Variants in MDGA2 observed in about 807,000 individuals in gnomAD.
MDGA2 encodes the protein MAM domain-containing glycosylphosphatidylinositol anchor protein 2.
MDGA2 carries 40 observed loss-of-function variants against 117.8 expected under a neutral mutation model. The ratio of observed to expected loss-of-function variants is 0.34; its 90% CI spans 0.26 to 0.44. MDGA2 has a LOEUF of 0.44. Ranked by LOEUF, MDGA2 falls within the 20% of genes least tolerant of loss-of-function variation. The pLI, the probability that MDGA2 is intolerant of heterozygous loss-of-function variation, is 1.00. For synonymous variants in MDGA2, 452 were observed against 439.0 expected, an observed-to-expected ratio of 1.03 and a Z score of -0.37; for missense variants, 1,123 against 1,250.6, an observed-to-expected ratio of 0.90 and a Z score of 1.54.
At chr14:46,864,601 G>T (rs1478875570) in intron 14 of MDGA2, among the ~76,000 whole-genome samples, 33 of 23,394 alleles carry the variant, frequency 1.4e-3, no homozygotes, top group East Asian at 1.9e-3. Flanking sequence ...GTAACCCTGT[G>T]TCAAAAAAAA....
chr14:47,438,551 C>G (rs756326343), intron 1 of MDGA2, among the ~76,000 whole-genome samples: 4 of 152,132 alleles, frequency 2.6e-5, no homozygotes, highest in African/African-American at 7.2e-5. Flanking sequence ...TATGTGTAAA[C>G]CAGTATAGCT....
At chr14:47,349,123 GGAATT>G (rs1455719371) in intron 1 of MDGA2, among the ~76,000 whole-genome samples, 3 of 152,194 alleles carry the variant, frequency 2.0e-5, no homozygotes, top group African/African-American at 7.2e-5. Context: ...AAAGGGAACT[GGAATT>G]GAAAGTATTC....
chr14:47,255,296 T>TG (rs1303597301), intron 2 of MDGA2, among the ~76,000 whole-genome samples: 4 of 152,190 alleles, frequency 2.6e-5, no homozygotes, highest in Non-Finnish European at 1.5e-5. Context: ...GAGCTTGGAA[T>TG]GGGTTTGACT....
chr14:47,356,009 T>G (rs1452668556), intron 1 of MDGA2, among the ~76,000 whole-genome samples: 1 of 152,094 alleles, frequency 6.6e-6, no homozygotes, highest in East Asian at 1.9e-4. Context: ...TGGGTATACA[T>G]CAAGAACTGA....
intron 5 of MDGA2, among the ~76,000 whole-genome samples, chr14:47,104,943 C>T (rs1214369329): frequency 6.6e-6 from 1 of 152,024 alleles, no homozygotes; most frequent in Non-Finnish European, 1.5e-5. Flanking sequence ...ATTTCAATTC[C>T]TTTCATTTTC....
At chr14:47,250,278 A>ATG in intron 2 of MDGA2, among the ~76,000 whole-genome samples, 1 of 152,336 alleles carries the variant, frequency 6.6e-6, no homozygotes, top group East Asian at 1.9e-4. Flanking sequence ...AACAGACCAC[A>ATG]TGATACAATC....
At chr14:47,285,817 C>T (rs1888651936) in intron 2 of MDGA2, among the ~76,000 whole-genome samples, 1 of 152,012 alleles carries the variant, frequency 6.6e-6, no homozygotes, top group South Asian at 2.1e-4. Context: ...AGCAGAAGCA[C>T]AGGCAAATAC....
rs925681825 is a variant in MDGA2, at chr14:47,095,411, G to A, written c.1195+1443C>T. On this transcript the variant is annotated intron_variant, in intron 6 of 16. Coordinates refer to ENST00000399232, the MANE Select transcript of MDGA2 (RefSeq NM_001113498.3). ...CCCTGTAATAAAAACTAATTTAGAA[G>A]TCGAGTTCTGAGTGTGAACTATTAT... Among the ~76,000 whole-genome samples, 3 of 151,808 alleles carry A rather than the reference G, an allele frequency of 2.0e-5. No homozygotes were observed. The South Asian group carries it at 6.2e-4, about 31-fold the overall frequency.
chr14:47,225,540 TCTC>T (rs1886458177), intron 2 of MDGA2, among the ~76,000 whole-genome samples: 1 of 97,946 alleles, frequency 1.0e-5, no homozygotes, highest in South Asian at 3.3e-4. Flanking sequence ...AAATCATCAT[TCTC>T]AGTAAACTAT....
intron 1 of MDGA2, among the ~76,000 whole-genome samples, chr14:47,645,633 AGACT>A (rs1371504563): frequency 3.3e-5 from 5 of 152,074 alleles, no homozygotes; most frequent in Non-Finnish European, 7.4e-5. Flanking sequence ...TTATAATTAC[AGACT>A]GTTTCATTAT....
intron 1 of MDGA2, among the ~76,000 whole-genome samples, chr14:47,584,510 C>G (rs868758565): frequency 6.6e-6 from 1 of 151,668 alleles, no homozygotes; most frequent in Non-Finnish European, 1.5e-5. Flanking sequence ...TACAGATAAC[C>G]AAATTTCATA....
chr14:47,007,113 T>C (rs553870900), intron 8 of MDGA2, among the ~76,000 whole-genome samples: 13 of 151,924 alleles, frequency 8.6e-5, no homozygotes, highest in African/African-American at 3.1e-4. Context: ...GGACTTCATA[T>C]GGAATTTGTA....
At chr14:46,939,788 C>G (rs1424708721) in intron 9 of MDGA2, among the ~76,000 whole-genome samples, 1 of 152,170 alleles carries the variant, frequency 6.6e-6, no homozygotes, top group Non-Finnish European at 1.5e-5. Context: ...TCTTAAGCCA[C>G]TTTCCCTATA....
At chr14:47,013,792 A>ATATC (rs1286303405) in intron 8 of MDGA2, among the ~76,000 whole-genome samples, 3 of 134,054 alleles carry the variant, frequency 2.2e-5, no homozygotes, top group Admixed American at 7.6e-5. Context: ...ATATATATAT[A>ATATC]TCTCCTTTTT....
intron 7 of MDGA2, among the ~76,000 whole-genome samples, chr14:47,037,493 C>T (rs1888898425): frequency 6.6e-6 from 1 of 152,190 alleles, no homozygotes; most frequent in African/African-American, 2.4e-5. Flanking sequence ...CTCCTCTCTT[C>T]CTGCTCATGA....
chr14:47,075,984 A>G (rs1890476444), intron 6 of MDGA2, among the ~76,000 whole-genome samples: 1 of 152,154 alleles, frequency 6.6e-6, no homozygotes, highest in Non-Finnish European at 1.5e-5. Flanking sequence ...ACTATCACCA[A>G]TATAAAAATT....
At chr14:47,257,398 A>G (rs1398870617) in intron 2 of MDGA2, among the ~76,000 whole-genome samples, 1 of 152,096 alleles carries the variant, frequency 6.6e-6, no homozygotes, top group African/African-American at 2.4e-5. Context: ...TTGCTCAAAT[A>G]TCAGCTTCTT....
In MDGA2 at chr14:47,574,714, C is replaced by T. The variant is rs1187082733; in HGVS notation, c.280+99803G>A. Among the ~76,000 whole-genome samples the T allele has an allele frequency of 2.6e-5, 4 of 152,148 alleles. No homozygotes were observed. The East Asian group carries it at 7.7e-4, about 29-fold the overall frequency. On this transcript the variant is annotated intron_variant, in intron 1 of 16. Transcript: ENST00000399232. The stretch of plus-strand genomic sequence containing the variant: ...ATGAGAAAAACTTCTTAATACTTTA[C>T]ATATACTAATTATTTAACCTGAACA...
chr14:47,525,590 C>T (rs1894954899), intron 1 of MDGA2, among the ~76,000 whole-genome samples: 1 of 151,990 alleles, frequency 6.6e-6, no homozygotes, highest in African/African-American at 2.4e-5. Context: ...GTGGCTAAGA[C>T]AGGATAATCA....
Sources: gnomAD v4.1 joint callset for allele counts (sites outside exome capture counted in the v4.1 genomes callset) on GRCh38, gnomAD v4.1.1 for gene constraint, MANE v1.5 for transcripts, NCBI Gene and HGNC (gene_info 2026-07-23, HGNC 2026-07-21) for gene names.